The following TBC1D19 variants were observed in gnomAD, a reference collection of about 807,000 sequenced individuals.
TBC1D19 encodes TBC1 domain family, member 19.
A neutral mutation model predicts 89.0 loss-of-function variants in TBC1D19; 60 were observed. That is an observed-to-expected ratio of 0.67 (90% CI 0.55 to 0.84). The LOEUF is 0.84. Ranked by LOEUF, TBC1D19 falls within the 40% of genes least tolerant of loss-of-function variation. The pLI is 0.00. For synonymous variants in TBC1D19, 189 were observed against 199.7 expected, an observed-to-expected ratio of 0.95 and a Z score of 0.45; for missense variants, 500 against 610.8, an observed-to-expected ratio of 0.82 and a Z score of 1.91.
intron 1 of TBC1D19, among the ~76,000 whole-genome samples, chr4:26,597,630 C>G (rs1030795005): frequency 6.7e-6 from 1 of 150,148 alleles, no homozygotes; most frequent in African/African-American, 2.4e-5. Flanking sequence ...TCCCAAAGTG[C>G]TGGGATTGCA....
chr4:26,585,555 C>T lies in TBC1D19; in HGVS notation c.99+1263C>T, dbSNP rs569859757. On this transcript the variant is annotated intron_variant, in intron 1 of 20. Coordinates refer to ENST00000264866, the MANE Select transcript of TBC1D19 (RefSeq NM_018317.4). ...ATGATGTAAGTCTTTATCAGATGTG[C>T]GTCTTGCAAATATTTTCTCCCAGTC... 1.2e-4 allele frequency among the ~76,000 whole-genome samples: 18 copies of T among 151,528 alleles called. No individual in the cohort carries two copies. The South Asian group carries it at 3.1e-3, about 26-fold the overall frequency.
the TBC1D19 span, among the ~76,000 whole-genome samples, chr4:26,828,819 T>C: frequency 1.3e-5 from 2 of 152,252 alleles, no homozygotes; most frequent in Non-Finnish European, 2.9e-5. Flanking sequence ...TTGTAAGTGC[T>C]GTGTTTAACG....
chr4:26,684,914 G>C (rs1577930419), intron 12 of TBC1D19, among the ~76,000 whole-genome samples: 2 of 152,122 alleles, frequency 1.3e-5, no homozygotes, highest in East Asian at 3.9e-4. Context: ...CCAACATTTA[G>C]GCTATGCATT....
At chr4:26,735,307 T>C (rs1717976816) in intron 15 of TBC1D19, 148 bp from the exon 16 acceptor site, 1 of 601,610 alleles carries the variant, frequency 1.7e-6, no homozygotes. Context: ...CTCTTTATTG[T>C]TTACTATCAC....
the TBC1D19 span, among the ~76,000 whole-genome samples, chr4:26,816,585 T>G: frequency 2.0e-5 from 3 of 152,170 alleles, no homozygotes; most frequent in Admixed American, 6.5e-5. Flanking sequence ...TACCTGATAA[T>G]GTGATAAACC....
At chr4:26,660,487 A>G (rs537576481) in intron 8 of TBC1D19, among the ~76,000 whole-genome samples, 156 of 152,298 alleles carry the variant, frequency 1.0e-3, no homozygotes, top group Non-Finnish European at 1.5e-3. Flanking sequence ...TTCAGCTCCA[A>G]ATTCTCCTTT....
At chr4:26,836,871 A>AC in the TBC1D19 span, among the ~76,000 whole-genome samples, 1 of 151,790 alleles carries the variant, frequency 6.6e-6, no homozygotes, top group Non-Finnish European at 1.5e-5. Flanking sequence ...TGCTCCTTTA[A>AC]CCCCTCTGTT....
chr4:26,734,934 G>GTATATATATGTATACACATATGTATA (rs1670108875), intron 15 of TBC1D19, among the ~76,000 whole-genome samples: 15 of 118,056 alleles, frequency 1.3e-4, no homozygotes, highest in Non-Finnish European at 2.1e-4. Flanking sequence ...ACATATATGT[G>GTATATATATGTATACACATATGTATA]TGTATATATG....
chr4:26,703,606 T>C (rs1167462655), intron 13 of TBC1D19, among the ~76,000 whole-genome samples: 2 of 152,208 alleles, frequency 1.3e-5, no homozygotes, highest in Non-Finnish European at 1.5e-5. Flanking sequence ...TCATGTGGCA[T>C]TGCTGTGTTT....
the TBC1D19 span, among the ~76,000 whole-genome samples, chr4:26,853,587 G>C: frequency 7.2e-5 from 11 of 152,120 alleles, no homozygotes; most frequent in African/African-American, 2.7e-4. Flanking sequence ...GCCCAGGCTG[G>C]AGTGCAGTGG....
chr4:26,814,846 G>A, the TBC1D19 span, among the ~76,000 whole-genome samples: 2 of 152,162 alleles, frequency 1.3e-5, no homozygotes, highest in South Asian at 2.1e-4. Flanking sequence ...CATGGCAAGA[G>A]CCTCGTCTCT....
chr4:26,714,713 C>T (rs1235883324), intron 13 of TBC1D19, among the ~76,000 whole-genome samples: 4 of 152,040 alleles, frequency 2.6e-5, no homozygotes, highest in Non-Finnish European at 5.9e-5. Context: ...ATTATTAGAA[C>T]TATAGAGATT....
At chr4:26,853,329 TC>T in the TBC1D19 span, among the ~76,000 whole-genome samples, 7 of 152,126 alleles carry the variant, frequency 4.6e-5, no homozygotes, top group African/African-American at 1.7e-4. Flanking sequence ...AAAAGTTATC[TC>T]CCCCCTTCCA....
intron 15 of TBC1D19, among the ~76,000 whole-genome samples, chr4:26,734,117 A>C (rs1384481180): frequency 1.3e-5 from 2 of 152,212 alleles, no homozygotes; most frequent in African/African-American, 4.8e-5. Flanking sequence ...TTGTAGTCAG[A>C]ACTAAGAATA....
At chr4:26,830,338 C>A in the TBC1D19 span, among the ~76,000 whole-genome samples, 1 of 152,166 alleles carries the variant, frequency 6.6e-6, no homozygotes, top group Non-Finnish European at 1.5e-5. Flanking sequence ...GGGTTATCTT[C>A]ATATTGCTTT....
upstream of TBC1D19, among the ~76,000 whole-genome samples, chr4:26,582,434 G>A (rs1317384074): frequency 1.3e-5 from 2 of 152,038 alleles, no homozygotes; most frequent in East Asian, 1.9e-4. Flanking sequence ...TCCCTTCAAC[G>A]CTCTACTAAT....
chr4:26,642,587 C>T (rs1048790595), intron 7 of TBC1D19, among the ~76,000 whole-genome samples: 1 of 152,114 alleles, frequency 6.6e-6, no homozygotes, highest in Non-Finnish European at 1.5e-5. Context: ...CAATATTAAC[C>T]TTAAATGTCA....
Position 26,598,570 on chromosome 4 carries a change from A to G in TBC1D19, c.99+14278A>G, listed in dbSNP as rs533727849. Reference sequence around the variant, plus strand: ...CCACCACGCCCAGCTAATTTTTTGTATTTTTAGTAGAGACGGGGTTTCACC... The same window carrying G: ...CCACCACGCCCAGCTAATTTTTTGTGTTTTTAGTAGAGACGGGGTTTCACC... On this transcript the variant is annotated intron_variant, in intron 1 of 20. Transcript: ENST00000264866. Among the ~76,000 whole-genome samples, 24 of 151,992 alleles carry G rather than the reference A, an allele frequency of 1.6e-4. No individual in the cohort carries two copies. The South Asian group carries it at 4.6e-3, about 29-fold the overall frequency.
chr4:26,698,576 C>T (rs1715020082), intron 13 of TBC1D19, among the ~76,000 whole-genome samples: 1 of 152,118 alleles, frequency 6.6e-6, no homozygotes, highest in African/African-American at 2.4e-5. Context: ...GCCAAAAGAA[C>T]AAAGCTGGAG....
Sources: gnomAD v4.1 joint callset for allele counts (sites outside exome capture counted in the v4.1 genomes callset) on GRCh38, gnomAD v4.1.1 for gene constraint, MANE v1.5 for transcripts, NCBI Gene and HGNC (gene_info 2026-07-23, HGNC 2026-07-21) for gene names.